CYP7B1: variants seen among roughly 807,000 people sequenced by gnomAD.
The protein encoded by CYP7B1 is cytochrome P450 family 7 subfamily B member 1.
In CYP7B1, 29 loss-of-function variants were observed where a neutral mutation model predicts 42.7. The ratio of observed to expected loss-of-function variants is 0.68; its 90% CI spans 0.51 to 0.93. CYP7B1 has a LOEUF of 0.93. Ranked by LOEUF, CYP7B1 falls within the 40% of genes least tolerant of loss-of-function variation. The pLI, the probability that CYP7B1 is intolerant of heterozygous loss-of-function variation, is 0.00. For missense variants in CYP7B1, 655 were observed against 600.5 expected (o/e 1.09, Z -0.95); for synonymous variants, 235 against 218.2 (o/e 1.08, Z -0.68).
At chr8:64,623,644 TCTG>T (rs1167999330) in intron 2 of CYP7B1, among the ~76,000 whole-genome samples, 3 of 152,236 alleles carry the variant, frequency 2.0e-5, no homozygotes, top group Non-Finnish European at 4.4e-5. Flanking sequence ...GTGTAGCAAT[TCTG>T]CTGTTTTTTT....
rs1805081068 is a variant in CYP7B1 at position 64,594,163 on chromosome 8, G to A, written c.*2479C>T. On this transcript the variant is annotated 3_prime_UTR_variant, in exon 6 of 6. Coordinates refer to ENST00000310193, the MANE Select transcript of CYP7B1 (RefSeq NM_004820.5). The stretch of plus-strand genomic sequence containing the variant: ...AAGGCATTTAGCAGCCCTGGGCTGA[G>A]ATGGTTAGGCACAGTAGTGTGAGGA... Among the ~76,000 whole-genome samples, 1 of 152,154 alleles carries A rather than the reference G, an allele frequency of 6.6e-6. No individual in the cohort carries two copies. Among genetic ancestry groups the A allele is most frequent in the Non-Finnish European group, 1.5e-5 (1 of 68,030 alleles).
At chr8:64,688,759 T>C (rs1308641171) in intron 1 of CYP7B1, among the ~76,000 whole-genome samples, 1 of 147,876 alleles carries the variant, frequency 6.8e-6, no homozygotes, top group Non-Finnish European at 1.5e-5. Flanking sequence ...ACCCTGTCTC[T>C]AAAAAAAAAA....
intron 1 of CYP7B1, among the ~76,000 whole-genome samples, chr8:64,663,885 C>A (rs887841046): frequency 1.3e-5 from 2 of 152,280 alleles, no homozygotes; most frequent in Admixed American, 6.5e-5. Flanking sequence ...TTGCCCAGTG[C>A]TTCAGCTATG....
At chr8:64,673,280 C>T (rs1806394201) in intron 1 of CYP7B1, among the ~76,000 whole-genome samples, 1 of 152,144 alleles carries the variant, frequency 6.6e-6, no homozygotes. Context: ...TCAAATTCCC[C>T]TTGGCCTTCA....
In CYP7B1 at chr8:64,591,530, C is replaced by A. The variant is rs1180613431; in HGVS notation, c.*5112G>T. Among the ~76,000 whole-genome samples the A allele has an allele frequency of 6.6e-6, 1 of 152,132 alleles. No homozygotes were observed. The highest frequency in any genetic ancestry group is 2.4e-5 in the African/African-American group (1 of 41,430). ...TTGGTCTTTGAACAGTTTTAAACTT[C>A]TACTGTTAAGTTAGAAGTCACTTGC... On this transcript the variant is annotated 3_prime_UTR_variant, in exon 6 of 6. Coordinates refer to ENST00000310193, the MANE Select transcript of CYP7B1 (RefSeq NM_004820.5).
At chr8:64,625,186 G>T (rs1459526001) in intron 1 of CYP7B1, among the ~76,000 whole-genome samples, 1 of 151,936 alleles carries the variant, frequency 6.6e-6, no homozygotes, top group Non-Finnish European at 1.5e-5. Flanking sequence ...TGTTAGCCAG[G>T]ATGGCCTTGA....
intron 1 of CYP7B1, among the ~76,000 whole-genome samples, chr8:64,752,846 C>T (rs1807749272): frequency 6.6e-6 from 1 of 152,146 alleles, no homozygotes. Flanking sequence ...TGGCAGCCAT[C>T]AATGTCTTGT....
intron 5 of CYP7B1, among the ~76,000 whole-genome samples, chr8:64,599,439 C>T (rs1158442878): frequency 6.6e-6 from 1 of 152,190 alleles, no homozygotes; most frequent in Admixed American, 6.5e-5. Context: ...CCGCCGGCCT[C>T]GGCCTCCCAA....
rs979802387 is a variant in CYP7B1 at position 64,798,508 on chromosome 8, G to A, written c.80C>T (p.Ala27Val). 40 of 1,507,834 alleles carry A rather than the reference G, an allele frequency of 2.7e-5. No homozygotes were observed. Among genetic ancestry groups the A allele is most frequent in the Non-Finnish European group, 3.4e-5 (39 of 1,137,080 alleles). 93.4% of individuals were successfully genotyped at this position (1,507,834 alleles called of 1,614,324 possible). A position where few individuals can be genotyped will look rare whatever the true frequency, so the allele number is the denominator to read the frequency against. The change falls in exon 1 of 6, where the codon GCC becomes GTC. Residue 27 changes from alanine to valine, a missense_variant. By Grantham distance (64) the Ala-to-Val change is moderately conservative. Transcript: ENST00000310193. ...LGLPGLALAAALLLLALCLLV... is the reference protein window; with the variant it reads ...LGLPGLALAAVLLLLALCLLV... Reference sequence around the variant, plus strand: ...CAAGCAGAGGGCCAGGAGCAGCAGGGCCGCGGCGAGGGCCAGGCCCGGGAG... The same window carrying A: ...CAAGCAGAGGGCCAGGAGCAGCAGGACCGCGGCGAGGGCCAGGCCCGGGAG...
intron 1 of CYP7B1, among the ~76,000 whole-genome samples, chr8:64,666,531 G>A (rs1237252654): frequency 2.2e-5 from 3 of 137,936 alleles, no homozygotes; most frequent in Non-Finnish European, 3.2e-5. Context: ...ATGAGTAGGG[G>A]TCAGGCTAGG....
At position 64,624,531 on chromosome 8, in the gene CYP7B1, C is replaced by A; in HGVS notation, c.131G>T (p.Gly44Val). 6.2e-7 allele frequency: 1 copy of A among 1,613,136 alleles called. No homozygotes were observed. Among genetic ancestry groups the A allele is most frequent in the Non-Finnish European group, 8.5e-7 (1 of 1,179,834 alleles). The change falls in exon 2 of 6, where the codon GGT (glycine) becomes GTT (valine). Residue 44 changes from glycine (G) to valine (V), a missense_variant. By Grantham distance (109) the Gly-to-Val change is moderately radical. Transcript: ENST00000310193. Reference sequence around the variant, plus strand: ...CCAACCTTTTATCAATGGAGGCTCACCGGGTCTCCTACAAGGAAAAAAAAA... The same window carrying A: ...CCAACCTTTTATCAATGGAGGCTCAACGGGTCTCCTACAAGGAAAAAAAAA... ...CLLVRRTRRP[G>V]EPPLIKGWLP...
chr8:64,665,689 G>A (rs183105560), intron 1 of CYP7B1, among the ~76,000 whole-genome samples: 9 of 144,452 alleles, frequency 6.2e-5, no homozygotes, highest in Non-Finnish European at 1.0e-4. Context: ...AGATTCTCCC[G>A]CCTCAGCCTC....
At chr8:64,705,292 G>C (rs535693113) in intron 1 of CYP7B1, among the ~76,000 whole-genome samples, 4 of 151,830 alleles carry the variant, frequency 2.6e-5, no homozygotes, top group African/African-American at 9.7e-5. Flanking sequence ...TTTATCTACA[G>C]CCGTGATTAG....
At chr8:64,689,151 A>G (rs1806700899) in intron 1 of CYP7B1, among the ~76,000 whole-genome samples, 1 of 152,260 alleles carries the variant, frequency 6.6e-6, no homozygotes, top group African/African-American at 2.4e-5. Context: ...ATCAAACTAT[A>G]AAATCATGTT....
chr8:64,772,447 G>A (rs1804251661), intron 1 of CYP7B1, among the ~76,000 whole-genome samples: 1 of 152,196 alleles, frequency 6.6e-6, no homozygotes, highest in Admixed American at 6.5e-5. Context: ...TCCAGGAGCA[G>A]AAAAGAATCC....
chr8:64,621,577 G>A (rs970125974), intron 2 of CYP7B1, among the ~76,000 whole-genome samples: 1 of 152,186 alleles, frequency 6.6e-6, no homozygotes, highest in African/African-American at 2.4e-5. Context: ...TTCATGGTGT[G>A]TGAAGCACAA....
At chr8:64,797,836 T>C (rs567556992) in intron 1 of CYP7B1, among the ~76,000 whole-genome samples, 1 of 152,358 alleles carries the variant, frequency 6.6e-6, no homozygotes, top group South Asian at 2.1e-4. Flanking sequence ...TATTTCTACT[T>C]CCACAATTCA....
At chr8:64,750,344 C>T (rs1807708634) in intron 1 of CYP7B1, among the ~76,000 whole-genome samples, 2 of 152,186 alleles carry the variant, frequency 1.3e-5, no homozygotes, top group South Asian at 2.1e-4. Context: ...GTCTTTTTCT[C>T]TCCAAAACCT....
chr8:64,609,287 G>A (rs904245703), intron 4 of CYP7B1, among the ~76,000 whole-genome samples: 1 of 152,072 alleles, frequency 6.6e-6, no homozygotes, highest in African/African-American at 2.4e-5. Flanking sequence ...AGTTATTTGT[G>A]GTGAGAAAAC....
Sources: allele counts gnomAD v4.1 joint callset (sites outside exome capture counted in the v4.1 genomes callset), GRCh38; gene constraint gnomAD v4.1.1; transcripts MANE v1.5; gene names NCBI Gene and HGNC (gene_info 2026-07-23, HGNC 2026-07-21).